Variants in DNAH9 observed in about 807,000 individuals in gnomAD.
DNAH9 encodes DNAH9 variant protein.
DNAH9 carries 345 observed loss-of-function variants against 471.6 expected under a neutral mutation model. The observed-to-expected ratio is 0.73, with a 90% confidence interval of 0.67 to 0.80. The LOEUF (loss-of-function observed/expected upper bound fraction) is 0.80. DNAH9 is among the 30% of genes least tolerant of loss of function. DNAH9 has a pLI of 0.00. For synonymous variants in DNAH9, 2,093 were observed against 2,123.6 expected, an observed-to-expected ratio of 0.99 and a Z score of 0.40; for missense variants, 5,407 against 5,609.2, an observed-to-expected ratio of 0.96 and a Z score of 1.15.
At position 11,874,950 on chromosome 17, in the gene DNAH9, C is replaced by G. The variant is rs768164188; in HGVS notation, c.10244C>G (p.Thr3415Ser). 9.3e-6 allele frequency: 15 copies of G among 1,611,910 alleles called. No homozygotes were observed. The East Asian group carries it at 2.7e-4, about 29-fold the overall frequency. The change falls in exon 53 of 69, where the codon ACT (threonine) becomes AGT (serine). Residue 3415 changes from threonine (T) to serine (S), a missense_variant and splice_region_variant. Physicochemically the swap from Thr to Ser is moderately conservative, Grantham distance 58. Transcript: ENST00000262442. ...GGGGTGGTGTTTCTTCTTCACCAGA[C>G]TCCCATTCCAGTCACCCCAGCCCTG... is the stretch of plus-strand genomic sequence containing the variant. ...TWRPYLSQLK[T>S]PIPVTPALDP...
intron 61 of DNAH9, among the ~76,000 whole-genome samples, chr17:11,923,456 C>T (rs867100066): frequency 6.6e-6 from 1 of 151,972 alleles, no homozygotes; most frequent in South Asian, 2.1e-4. Context: ...GGACTACAGG[C>T]GCCCACCACC....
intron 30 of DNAH9, 54 bp from the exon 31 acceptor site, chr17:11,744,743 C>T: frequency 1.3e-6 from 2 of 1,493,646 alleles, no homozygotes; most frequent in East Asian, 2.3e-5. Flanking sequence ...CAGACACTCA[C>T]CCCAGCACAT....
chr17:11,664,352 AG>A (rs1202180016), intron 14 of DNAH9, among the ~76,000 whole-genome samples: 4 of 152,324 alleles, frequency 2.6e-5, no homozygotes, highest in South Asian at 2.1e-4. Context: ...ATCACTCAGT[AG>A]GATTGAATGC....
intron 43 of DNAH9, among the ~76,000 whole-genome samples, chr17:11,801,418 C>G (rs947229144): frequency 6.6e-6 from 1 of 152,112 alleles, no homozygotes; most frequent in Non-Finnish European, 1.5e-5. Flanking sequence ...TGCCGGGCAC[C>G]GTGGCTCATG....
At chr17:11,694,628 T>TCGC (rs879447481) in intron 22 of DNAH9, among the ~76,000 whole-genome samples, 181 bp downstream of exon 22, 1 of 7,452 alleles carries the variant, frequency 1.3e-4, no homozygotes, top group African/African-American at 2.5e-4. Flanking sequence ...CTTTCTTGCT[T>TCGC]TCTTGCTTTC....
At chr17:11,872,905 G>A (rs968784324) in intron 52 of DNAH9, among the ~76,000 whole-genome samples, 4 of 152,240 alleles carry the variant, frequency 2.6e-5, no homozygotes, top group Non-Finnish European at 5.9e-5. Flanking sequence ...GGGCGACAGA[G>A]CGAGACTCCG....
Position 11,929,865 on chromosome 17 carries a change from G to A in DNAH9, c.11878-1G>A. The A allele has an allele frequency of 6.2e-7, 1 of 1,612,288 alleles. No homozygotes were observed. The highest frequency in any genetic ancestry group is 8.5e-7 in the Non-Finnish European group (1 of 1,179,264). On this transcript the variant is annotated splice_acceptor_variant, in intron 62 of 68. Coordinates refer to ENST00000262442, the MANE Select transcript of DNAH9 (RefSeq NM_001372.4). LOFTEE classifies it high-confidence loss of function. ...AGGGGGGGCTCCTTCCTTCCCACTA[G>A]AACATTCACCTGGTGGCCAAGTGGC...
intron 43 of DNAH9, among the ~76,000 whole-genome samples, chr17:11,807,050 G>A (rs1378298754): frequency 6.6e-6 from 1 of 152,120 alleles, no homozygotes; most frequent in Non-Finnish European, 1.5e-5. Context: ...GGCAAGGAGA[G>A]AGGAATATGG....
At chr17:11,913,317 C>T (rs1482826523) in intron 61 of DNAH9, among the ~76,000 whole-genome samples, 4 of 152,086 alleles carry the variant, frequency 2.6e-5, no homozygotes, top group African/African-American at 4.8e-5. Flanking sequence ...TATATATTTA[C>T]TCAAAGTTTT....
intron 4 of DNAH9, among the ~76,000 whole-genome samples, chr17:11,613,797 T>C (rs981207299): frequency 6.6e-6 from 1 of 152,144 alleles, no homozygotes; most frequent in Non-Finnish European, 1.5e-5. Context: ...GTAGAACACA[T>C]ACAAAGGACA....
At chr17:11,786,802 T>TG (rs1162952113) in intron 41 of DNAH9, among the ~76,000 whole-genome samples, 1 of 152,122 alleles carries the variant, frequency 6.6e-6, no homozygotes, top group African/African-American at 2.4e-5. Context: ...AGCAGAGACA[T>TG]GGGAGTGGAG....
At chr17:11,926,433 T>C (rs1974330658) in intron 62 of DNAH9, among the ~76,000 whole-genome samples, 1 of 152,054 alleles carries the variant, frequency 6.6e-6, no homozygotes, top group Admixed American at 6.6e-5. Context: ...CAGGCCTCAG[T>C]GTGTTTGTTC....
rs1289603819 is a variant in DNAH9, at chr17:11,690,177, A to G, written c.4355A>G (p.Glu1452Gly). ...TGGGCTGGCATGGAATTCCAGTATG[A>G]GCCCCACCCACGGACCAATGTCCCC... ...TTWAGMEFQY[E>G]PHPRTNVPLL... is the part of the protein sequence containing the mutation. The change falls in exon 20 of 69, where the codon GAG becomes GGG. Residue 1452 changes from glutamate to glycine, a missense_variant. Transcript: ENST00000262442. 1 of 1,614,214 alleles carries G rather than the reference A, an allele frequency of 6.2e-7. No homozygotes were observed. Among genetic ancestry groups the G allele is most frequent in the Non-Finnish European group, 8.5e-7 (1 of 1,180,034 alleles).
At chr17:11,611,884 A>T (rs1412849647) in intron 4 of DNAH9, 104 bp downstream of exon 4, 1 of 1,165,502 alleles carries the variant, frequency 8.6e-7, no homozygotes, top group Non-Finnish European at 1.3e-6. Flanking sequence ...AGTCCTTGTA[A>T]ATTTCCGACC....
chr17:11,805,215 G>T, intron 43 of DNAH9, among the ~76,000 whole-genome samples: 1 of 152,270 alleles, frequency 6.6e-6, no homozygotes, highest in Non-Finnish European at 1.5e-5. Flanking sequence ...ATTGTGAACA[G>T]GTCATCAGTA....
At chr17:11,916,889 G>A (rs1489657444) in intron 61 of DNAH9, among the ~76,000 whole-genome samples, 9 of 152,104 alleles carry the variant, frequency 5.9e-5, no homozygotes, top group African/African-American at 1.9e-4. Context: ...TTCTGTATAC[G>A]ATTTTGAGCA....
At chr17:11,931,488 G>T (rs766219570) in intron 63 of DNAH9, among the ~76,000 whole-genome samples, 3 of 152,190 alleles carry the variant, frequency 2.0e-5, no homozygotes, top group Non-Finnish European at 1.5e-5. Flanking sequence ...CCCTTGTAGT[G>T]TAGGAGTCCA....
chr17:11,820,387 T>C (rs1760242914), intron 45 of DNAH9, among the ~76,000 whole-genome samples: 1 of 151,308 alleles, frequency 6.6e-6, no homozygotes, highest in South Asian at 2.1e-4. Context: ...TCATTTAACT[T>C]TCAGATTTTT....
chr17:11,766,191 T>C (rs1433595190), intron 36 of DNAH9, among the ~76,000 whole-genome samples: 1 of 151,336 alleles, frequency 6.6e-6, no homozygotes, highest in Admixed American at 6.6e-5. Flanking sequence ...AAGGTAGGAG[T>C]TTGGTCAAAA....
Sources: gnomAD v4.1 joint callset for allele counts (sites outside exome capture counted in the v4.1 genomes callset) on GRCh38, gnomAD v4.1.1 for gene constraint, MANE v1.5 for transcripts, NCBI Gene and HGNC (gene_info 2026-07-23, HGNC 2026-07-21) for gene names.